Variants in COL23A1 observed in about 807,000 individuals in gnomAD.
The protein encoded by COL23A1 is collagen alpha-1(XXIII) chain.
A neutral mutation model predicts 99.3 loss-of-function variants in COL23A1; 97 were observed. The observed-to-expected ratio is 0.98, with a 90% CI of 0.83 to 1.16. COL23A1 has a LOEUF of 1.16. Among genes scored for constraint, COL23A1 ranks in the 50% most tolerant of loss-of-function variants. COL23A1 has a pLI of 0.00. For missense variants in COL23A1, 762 were observed against 757.4 expected (o/e 1.01, Z -0.07); for synonymous variants, 320 against 308.2 (o/e 1.04, Z -0.40).
intron 2 of COL23A1, among the ~76,000 whole-genome samples, chr5:178,514,286 G>A (rs767276722): frequency 6.6e-6 from 1 of 152,204 alleles, no homozygotes; most frequent in Non-Finnish European, 1.5e-5. Flanking sequence ...TGAATATCCT[G>A]TAGCACAGAC....
At chr5:178,273,545 C>T (rs1324766922) in intron 5 of COL23A1, among the ~76,000 whole-genome samples, 1 of 152,230 alleles carries the variant, frequency 6.6e-6, no homozygotes, top group East Asian at 1.9e-4. Flanking sequence ...GCAGTGTGCG[C>T]AGTGCTCCCG....
At chr5:178,543,898 G>A (rs73344429) in intron 2 of COL23A1, among the ~76,000 whole-genome samples, 2,177 of 152,190 alleles carry the variant, frequency 0.014, 52 homozygotes, top group African/African-American at 0.05. Flanking sequence ...CAGATTCAGC[G>A]TCTGGTGAGG....
intron 3 of COL23A1, among the ~76,000 whole-genome samples, chr5:178,303,897 C>T (rs571850918): frequency 2.6e-5 from 4 of 152,202 alleles, no homozygotes; most frequent in South Asian, 2.1e-4. Flanking sequence ...TCCAGGGCTG[C>T]GAGAGAAGGG....
chr5:178,301,530 C>A (rs1017173990), intron 3 of COL23A1, among the ~76,000 whole-genome samples: 10 of 152,202 alleles, frequency 6.6e-5, no homozygotes, highest in African/African-American at 2.4e-4. Flanking sequence ...CTAAACTAAT[C>A]TAATGTGGCT....
intron 2 of COL23A1, chr5:178,352,382 C>T (rs1761380455): frequency 6.6e-6 from 1 of 152,196 alleles, no homozygotes; most frequent in African/African-American, 2.4e-5. Context: ...AAAAAGAGTT[C>T]AGCCAATGAA....
chr5:178,575,559 T>G (rs1229032200), intron 1 of COL23A1, among the ~76,000 whole-genome samples: 1 of 152,132 alleles, frequency 6.6e-6, no homozygotes, highest in East Asian at 1.9e-4. Context: ...TTTTGGAAGA[T>G]AAATCTCAAG....
intron 2 of COL23A1, among the ~76,000 whole-genome samples, chr5:178,471,926 A>G (rs1360305313): frequency 6.6e-6 from 1 of 152,110 alleles, no homozygotes; most frequent in Non-Finnish European, 1.5e-5. Context: ...TGTGCTGTCG[A>G]ATCGTCAGTA....
At chr5:178,246,685 C>A (rs1207669830) in intron 22 of COL23A1, among the ~76,000 whole-genome samples, 3 of 148,360 alleles carry the variant, frequency 2.0e-5, no homozygotes, top group Non-Finnish European at 4.4e-5. Context: ...TGATTACGGT[C>A]ACACCCATTC....
At chr5:178,282,509 G>A (rs1756952203) in intron 5 of COL23A1, among the ~76,000 whole-genome samples, 1 of 152,212 alleles carries the variant, frequency 6.6e-6, no homozygotes, top group Non-Finnish European at 1.5e-5. Context: ...CCCTGCTACT[G>A]TAGACAGCTT....
chr5:178,443,891 ATATAT>A (rs1423961160), intron 2 of COL23A1, among the ~76,000 whole-genome samples: 1 of 152,206 alleles, frequency 6.6e-6, no homozygotes, highest in African/African-American at 2.4e-5. Flanking sequence ...ACTTATAAAA[ATATAT>A]TATGTTAAGA....
At chr5:178,530,158 T>C (rs1233381599) in intron 2 of COL23A1, among the ~76,000 whole-genome samples, 1 of 152,152 alleles carries the variant, frequency 6.6e-6, no homozygotes, top group Non-Finnish European at 1.5e-5. Context: ...TTGAGATTCT[T>C]CCCATCAAAA....
chr5:178,255,675 A>T lies in COL23A1; in HGVS notation c.883-649T>A, dbSNP rs1365368987. 2 of 222,260 alleles carry T rather than the reference A, an allele frequency of 9.0e-6. No homozygotes were observed. The highest frequency in any genetic ancestry group is 2.3e-5 in the African/African-American group (1 of 42,622). 13.8% of individuals were successfully genotyped at this position (222,260 alleles called of 1,614,324 possible). ...CGAGCCTATCCCTTGTGCAGGCTGGAGACCCTTGCTTGGGCCTCATTTGCC... is the reference window on the plus strand; with the variant it reads ...CGAGCCTATCCCTTGTGCAGGCTGGTGACCCTTGCTTGGGCCTCATTTGCC... On this transcript the variant is annotated intron_variant, in intron 15 of 28. Transcript: ENST00000390654. This position sits in a 1 kb window ranked among gnomAD's most constrained non-coding sequence, Gnocchi z 4.2.
intron 2 of COL23A1, among the ~76,000 whole-genome samples, chr5:178,471,400 G>A (rs1756742913): frequency 6.6e-6 from 1 of 152,018 alleles, no homozygotes. Flanking sequence ...CACCACACCT[G>A]GCTAATTTTT....
intron 2 of COL23A1, among the ~76,000 whole-genome samples, chr5:178,328,738 A>G (rs1759840076): frequency 6.6e-6 from 1 of 152,238 alleles, no homozygotes; most frequent in African/African-American, 2.4e-5. Context: ...GTGCCGACAC[A>G]CAACCTAAAC....
chr5:178,581,590 G>A (rs903293295), intron 1 of COL23A1, among the ~76,000 whole-genome samples: 5 of 148,722 alleles, frequency 3.4e-5, no homozygotes, highest in Non-Finnish European at 6.0e-5. Flanking sequence ...AAATTAAAAC[G>A]AAAAACAAAG....
rs368676491 is a variant in COL23A1 at position 178,332,033 on chromosome 5, G to A, written c.362-25114C>T. Among the ~76,000 whole-genome samples the A allele has an allele frequency of 3.9e-3, 591 of 152,310 alleles. 2 individuals carry two copies. The highest frequency in any genetic ancestry group is 0.014 in the South Asian group (67 of 4,818). On this transcript the variant is annotated intron_variant, in intron 2 of 28. Transcript: ENST00000390654. ...AGACTGGGGGTGACCTTCTCTCTGA[G>A]CTGGGCCTGGCACTGTGTGCTCAGG... is the stretch of plus-strand genomic sequence containing the variant.
chr5:178,337,249 G>A (rs1353946558), intron 2 of COL23A1, among the ~76,000 whole-genome samples: 7 of 152,242 alleles, frequency 4.6e-5, no homozygotes, highest in Non-Finnish European at 4.4e-5. Flanking sequence ...AGAGACCCGC[G>A]TGTGAGGGCG....
intron 2 of COL23A1, among the ~76,000 whole-genome samples, chr5:178,502,411 G>A (rs995404200): frequency 2.0e-5 from 3 of 152,226 alleles, no homozygotes; most frequent in South Asian, 2.1e-4. Context: ...GATTACAGGC[G>A]TGAGCCACTG....
At chr5:178,517,370 T>C (rs978121457) in intron 2 of COL23A1, among the ~76,000 whole-genome samples, 2 of 152,064 alleles carry the variant, frequency 1.3e-5, no homozygotes, top group Non-Finnish European at 2.9e-5. Flanking sequence ...TCCCCTGAGA[T>C]CTGTCTATAC....
Sources: gnomAD v4.1 joint callset for allele counts (sites outside exome capture counted in the v4.1 genomes callset) on GRCh38, gnomAD v4.1.1 for gene constraint, Gnocchi (gnomAD v3.1) non-coding constraint, MANE v1.5 for transcripts, NCBI Gene and HGNC (gene_info 2026-07-23, HGNC 2026-07-21) for gene names.